Variants in KPNA5 observed in about 807,000 individuals in gnomAD.
KPNA5 encodes karyopherin subunit alpha 5.
KPNA5 carries 46 observed loss-of-function variants against 71.3 expected under a neutral mutation model. The observed-to-expected ratio is 0.65, with a 90% CI of 0.51 to 0.83. KPNA5 has a LOEUF of 0.83. KPNA5 is among the 40% of genes least tolerant of loss of function. The probability of loss-of-function intolerance (pLI) is 0.00; values close to 1 mark genes in which losing one functional copy is unlikely to be tolerated. For synonymous variants in KPNA5, 207 were observed against 201.4 expected, an observed-to-expected ratio of 1.03 and a Z score of -0.24; for missense variants, 547 against 628.3, an observed-to-expected ratio of 0.87 and a Z score of 1.38.
chr6:116,718,891 C>T (rs532717702), intron 8 of KPNA5, among the ~76,000 whole-genome samples: 2 of 151,984 alleles, frequency 1.3e-5, no homozygotes, highest in East Asian at 1.9e-4. Flanking sequence ...CCTCAGCCCC[C>T]CAAGTAGCTG....
rs1380887502 is a variant in KPNA5, at chr6:116,732,101, TATATATATATATATATATATAC to T, written c.1433-34_1433-13del. 4.6e-6 allele frequency: 1 copy of T among 218,636 alleles called. No homozygotes were observed. Among genetic ancestry groups the T allele is most frequent in the Non-Finnish European group, 8.2e-6 (1 of 121,446 alleles). 13.5% of individuals were successfully genotyped at this position (218,636 alleles called of 1,614,324 possible). A position where few individuals can be genotyped will look rare whatever the true frequency, so the allele number is the denominator to read the frequency against. The stretch of plus-strand genomic sequence containing the variant: ...ATATATATATATATATATATATATA[TATATATATATATATATATATAC>T]TTTGTATAACAGGTCTGGATAAAAT... On this transcript the variant is annotated splice_polypyrimidine_tract_variant and intron_variant, in intron 13 of 13. Coordinates refer to ENST00000368564, the MANE Select transcript of KPNA5 (RefSeq NM_001366306.2).
In KPNA5 at chr6:116,712,590, A is replaced by G. The variant is rs1185493528; in HGVS notation, c.657-3629A>G. ...AGAGTTTAATTCATTTACATTTAAT[A>G]TAACTACTGATAAATGGGGACTTAC... is the stretch of plus-strand genomic sequence containing the variant. On this transcript the variant is annotated intron_variant, in intron 7 of 13. Coordinates refer to ENST00000368564, the MANE Select transcript of KPNA5 (RefSeq NM_001366306.2). Among the ~76,000 whole-genome samples, 3 of 152,174 alleles carry G rather than the reference A, an allele frequency of 2.0e-5. No homozygotes were observed. The South Asian group carries it at 6.2e-4, about 31-fold the overall frequency.
At chr6:116,698,096 G>T (rs1461200797) in intron 4 of KPNA5, among the ~76,000 whole-genome samples, 1 of 152,002 alleles carries the variant, frequency 6.6e-6, no homozygotes, top group African/African-American at 2.4e-5. Context: ...TGAAGCCAAG[G>T]TAGAGGAAAG....
chr6:116,681,907 T>C (rs1777374125), intron 1 of KPNA5, among the ~76,000 whole-genome samples: 1 of 152,110 alleles, frequency 6.6e-6, no homozygotes, highest in South Asian at 2.1e-4. Flanking sequence ...ACTTAGGTTT[T>C]CATCGATAAT....
Position 116,705,380 on chromosome 6 carries a change from A to T in KPNA5, c.656+220A>T, listed in dbSNP as rs149282531. 3.7e-4 allele frequency among the ~76,000 whole-genome samples: 56 copies of T among 152,320 alleles called. 1 individual carries two copies. The East Asian group carries it at 0.01, about 28-fold the overall frequency. ...CGTAACAGTGGTCATTGCTTACTTG[A>T]TGCTTACTGATCTAAAATAATTATT... On this transcript the variant is annotated intron_variant, in intron 7 of 13. Transcript: ENST00000368564.
intron 13 of KPNA5, among the ~76,000 whole-genome samples, chr6:116,730,036 A>G (rs1175581869): frequency 1.3e-5 from 2 of 149,280 alleles, no homozygotes; most frequent in Non-Finnish European, 3.0e-5. Flanking sequence ...TTTTATTATA[A>G]TGGCCACATA....
chr6:116,701,942 A>T, intron 5 of KPNA5, 77 bp from the exon 6 acceptor site: 8 of 1,280,900 alleles, frequency 6.2e-6, no homozygotes, highest in Non-Finnish European at 7.6e-6. Flanking sequence ...GCAGGTCTTT[A>T]CTCCCTCTCT....
At chr6:116,699,052 T>G (rs145409904) in intron 5 of KPNA5, among the ~76,000 whole-genome samples, 1 of 152,258 alleles carries the variant, frequency 6.6e-6, no homozygotes, top group Admixed American at 6.5e-5. Flanking sequence ...AATTTATAGT[T>G]GTTAACCTTT....
intron 6 of KPNA5, among the ~76,000 whole-genome samples, chr6:116,702,409 A>C (rs562326479): frequency 6.6e-6 from 1 of 152,166 alleles, no homozygotes; most frequent in Non-Finnish European, 1.5e-5. Context: ...GAGGCTGGGC[A>C]TGGTGGCTCA....
intron 12 of KPNA5, among the ~76,000 whole-genome samples, chr6:116,728,157 C>G (rs1779350659): frequency 2.0e-5 from 3 of 152,124 alleles, no homozygotes; most frequent in Non-Finnish European, 4.4e-5. Flanking sequence ...GTCATGGATA[C>G]AAGCAGTAAT....
intron 9 of KPNA5, 49 bp from the exon 10 acceptor site, chr6:116,724,248 A>C: frequency 7.8e-7 from 1 of 1,288,388 alleles, no homozygotes; most frequent in Non-Finnish European, 1.1e-6. Flanking sequence ...CTTCTGTGTA[A>C]ATTTTAAATT....
Position 116,732,288 on chromosome 6 carries a change from C to A in KPNA5, c.1585C>A (p.Gln529Lys). 1.3e-6 allele frequency: 2 copies of A among 1,524,256 alleles called. No individual in the cohort carries two copies. The highest frequency in any genetic ancestry group is 1.8e-6 in the Non-Finnish European group (2 of 1,132,864). 94.4% of individuals were successfully genotyped at this position (1,524,256 alleles called of 1,614,324 possible). The part of the protein sequence containing the change: ...DENQQQFIFQ[Q>K]QEAPMDGFQL ...AAACCAACAACAGTTTATATTTCAG[C>A]AGCAGGAAGCACCAATGGATGGATT... The change falls in exon 14 of 14, where the codon CAG (glutamine) becomes AAG (lysine). Residue 529 changes from glutamine to lysine, a missense_variant. Transcript: ENST00000368564.
rs1779829559 is a variant in KPNA5 at position 116,740,385 on chromosome 6, C to T, written c.*8062C>T. ...ATGTGGAGAAATAGGAACACTTTTA[C>T]ACTGTTGGTGGGACTGTAAACTAGT... is the stretch of plus-strand genomic sequence containing the variant. On this transcript the variant is annotated 3_prime_UTR_variant, in exon 14 of 14. Coordinates refer to ENST00000368564, the MANE Select transcript of KPNA5 (RefSeq NM_001366306.2). The T allele has an allele frequency of 6.6e-6, 1 of 152,148 alleles. No homozygotes were observed. Among genetic ancestry groups the T allele is most frequent in the South Asian group, 2.1e-4 (1 of 4,832 alleles). The allele number at this position is 152,148 out of a possible 1,614,324, so 9.4% of individuals were successfully genotyped here.
intron 1 of KPNA5, among the ~76,000 whole-genome samples, chr6:116,684,006 G>A (rs1440798675): frequency 2.2e-5 from 3 of 134,270 alleles, no homozygotes; most frequent in Non-Finnish European, 4.6e-5. Context: ...TCTGCCTCCC[G>A]AGTTCAAGCA....
Position 116,740,901 on chromosome 6 carries a change from G to A in KPNA5, c.*8578G>A, listed in dbSNP as rs1185361508. On this transcript the variant is annotated 3_prime_UTR_variant, in exon 14 of 14. Coordinates refer to ENST00000368564, the MANE Select transcript of KPNA5 (RefSeq NM_001366306.2). ...GGAGATATACCTAATGCTAAATGAC[G>A]AGTTAATGGGTGCAGCACACCAACA... 2.6e-5 allele frequency: 4 copies of A among 151,540 alleles called. No individual in the cohort carries two copies. The highest frequency in any genetic ancestry group is 2.1e-4 in the South Asian group (1 of 4,792). 9.4% of individuals were successfully genotyped at this position (151,540 alleles called of 1,614,324 possible).
rs371280073 is a variant in KPNA5, at chr6:116,692,165, T to C, written c.240+9T>C. ...CTGTACCCATTCCAGAGGTATACTTTACCAAAATATGTTTCAAATTATACC... is the reference window on the plus strand; with the variant it reads ...CTGTACCCATTCCAGAGGTATACTTCACCAAAATATGTTTCAAATTATACC... On this transcript the variant is annotated intron_variant, in intron 3 of 13. Coordinates refer to ENST00000368564, the MANE Select transcript of KPNA5 (RefSeq NM_001366306.2). 6.9e-5 allele frequency: 108 copies of C among 1,564,578 alleles called. No homozygotes were observed. The African/African-American group carries it at 1.1e-3, about 16-fold the overall frequency.
chr6:116,702,028 G>T lies in KPNA5; in HGVS notation c.445G>T (p.Ala149Ser). ...NENCTLQFEA[A>S]WALTNIASGT... ...TTTTTTTTCTTCTTAGTTTGAAGCT[G>T]CATGGGCATTAACAAATATAGCATC... Residue 149 changes from alanine to serine, a missense_variant, in exon 6 of 14, where the codon GCA becomes TCA. By Grantham distance (99) the Ala-to-Ser change is moderately conservative. Coordinates refer to ENST00000368564, the MANE Select transcript of KPNA5 (RefSeq NM_001366306.2). The T allele has an allele frequency of 1.2e-6, 2 of 1,610,076 alleles. No individual in the cohort carries two copies. Among genetic ancestry groups the T allele is most frequent in the South Asian group, 1.1e-5 (1 of 89,980 alleles).
At chr6:116,683,929 T>C (rs1357840424) in intron 1 of KPNA5, among the ~76,000 whole-genome samples, 1 of 116,902 alleles carries the variant, frequency 8.6e-6, no homozygotes, top group Non-Finnish European at 1.6e-5. Context: ...TTTTTTTTTT[T>C]TGACAGAGTC....
In KPNA5 at chr6:116,692,305, A is replaced by T. The variant is rs1777833530; in HGVS notation, c.253A>T (p.Thr85Ser). The T allele has an allele frequency of 1.9e-6, 3 of 1,590,864 alleles. No homozygotes were observed. The South Asian group carries it at 3.5e-5, about 18-fold the overall frequency. The change falls in exon 4 of 14, where the codon ACT (threonine) becomes TCT (serine). Residue 85 changes from threonine (T) to serine (S), a missense_variant. Thr to Ser is a moderately conservative substitution (Grantham distance 58). Coordinates refer to ENST00000368564, the MANE Select transcript of KPNA5 (RefSeq NM_001366306.2). ...TVPIPEEEVV[T>S]TDMVQMIFSN... is the part of the protein sequence containing the mutation. ...GTGTGTGTTTTAGGAAGAAGTTGTT[A>T]CTACAGATATGGTTCAGATGATTTT... is the stretch of plus-strand genomic sequence containing the variant.
Sources: gnomAD v4.1 joint callset for allele counts (sites outside exome capture counted in the v4.1 genomes callset) on GRCh38, gnomAD v4.1.1 for gene constraint, MANE v1.5 for transcripts, NCBI Gene and HGNC (gene_info 2026-07-23, HGNC 2026-07-21) for gene names.